COL6A3: variants seen among roughly 807,000 people sequenced by gnomAD.
COL6A3 encodes collagen type VI alpha 3 chain.
Under a neutral mutation model 274.1 loss-of-function variants are expected in COL6A3, and 137 were observed. The observed-to-expected ratio is 0.50, with a 90% CI of 0.44 to 0.58. The LOEUF is 0.58. Ranked by LOEUF, COL6A3 falls within the 20% of genes least tolerant of loss-of-function variation. COL6A3 has a pLI of 0.00. For synonymous variants in COL6A3, 1,650 were observed against 1,650.6 expected, an observed-to-expected ratio of 1.00 and a Z score of 0.01; for missense variants, 3,950 against 4,124.9, an observed-to-expected ratio of 0.96 and a Z score of 1.16.
At chr2:237,332,098 T>TA (rs1700279058) in intron 42 of COL6A3, among the ~76,000 whole-genome samples, 8 of 40,534 alleles carry the variant, frequency 2.0e-4, no homozygotes, top group Non-Finnish European at 3.0e-4. Context: ...TATATATATA[T>TA]ATATATATAT....
intron 1 of COL6A3, among the ~76,000 whole-genome samples, chr2:237,400,454 A>G (rs879447951): frequency 6.6e-6 from 1 of 152,202 alleles, no homozygotes; most frequent in African/African-American, 2.4e-5. Flanking sequence ...ACTACATGAG[A>G]TCTGTAAGAA....
rs749957183 is a variant in COL6A3, at chr2:237,340,880, C to G, written c.8036G>C (p.Ser2679Thr). ...HAPSESVDNASMPPVKVEFSL... is the reference protein window; with the variant it reads ...HAPSESVDNATMPPVKVEFSL... ...GAATTCCACCTTCACAGGTGGCATG[C>G]TGGCATTGTCCACGGACTCAGAGGG... Residue 2679 changes from serine (S) to threonine (T), a missense_variant, in exon 38 of 44, where the codon AGC becomes ACC. By Grantham distance (58) the Ser-to-Thr change is moderately conservative (BLOSUM62 1). Transcript: ENST00000295550. 1 of 1,613,566 alleles carries G rather than the reference C, an allele frequency of 6.2e-7. No individual in the cohort carries two copies. The highest frequency in any genetic ancestry group is 1.3e-5 in the African/African-American group (1 of 74,936).
At chr2:237,403,620 C>A (rs986098386) in intron 1 of COL6A3, among the ~76,000 whole-genome samples, 1 of 152,042 alleles carries the variant, frequency 6.6e-6, no homozygotes, top group Non-Finnish European at 1.5e-5. Flanking sequence ...AAGCTCAGCC[C>A]GATTTTTTTT....
Position 237,394,995 on chromosome 2 carries a change from C to A in COL6A3, c.301G>T (p.Glu101Ter). The A allele has an allele frequency of 6.2e-7, 1 of 1,614,174 alleles. No individual in the cohort carries two copies. The highest frequency in any genetic ancestry group is 8.5e-7 in the Non-Finnish European group (1 of 1,180,022). The change falls in exon 3 of 44, where the codon GAA (glutamate) becomes TAA (stop). Residue 101 changes from glutamate (E) to a stop codon, truncating the protein, a stop_gained. Transcript: ENST00000295550. LOFTEE classifies it high-confidence loss of function. The part of the protein sequence containing the change: ...FLLNTYRTKQ[E>*]VLSHISNMSY... Reference sequence around the variant, plus strand: ...ATGTTGGAAATATGAGAAAGGACTTCTTGTTTAGTACGATACGTATTTAAC... The same window carrying A: ...ATGTTGGAAATATGAGAAAGGACTTATTGTTTAGTACGATACGTATTTAAC...
intron 40 of COL6A3, among the ~76,000 whole-genome samples, chr2:237,335,201 C>T (rs1191959271): frequency 6.6e-6 from 1 of 152,106 alleles, no homozygotes; most frequent in Non-Finnish European, 1.5e-5. Context: ...GTGTTTGCTA[C>T]AAAATGAGCC....
Position 237,394,582 on chromosome 2 carries a change from A to G in COL6A3, c.709+5T>C. On this transcript the variant is annotated splice_donor_5th_base_variant and intron_variant, in intron 3 of 43. Transcript: ENST00000295550. Reference sequence around the variant, plus strand: ...CAGGGCGTAGCTTGGTGGCGTTGCCATTACCTGTGATGTCTTTAAGGGTTT... The same window carrying G: ...CAGGGCGTAGCTTGGTGGCGTTGCCGTTACCTGTGATGTCTTTAAGGGTTT... The G allele has an allele frequency of 6.2e-7, 1 of 1,613,920 alleles. No individual in the cohort carries two copies.
chr2:237,390,897 C>A (rs1459503181), intron 3 of COL6A3, among the ~76,000 whole-genome samples: 1 of 152,172 alleles, frequency 6.6e-6, no homozygotes, highest in Non-Finnish European at 1.5e-5. Flanking sequence ...CAGGTATATT[C>A]ATTTTTTTAA....
chr2:237,352,298 G>A (rs959412704), intron 26 of COL6A3, among the ~76,000 whole-genome samples: 5 of 152,150 alleles, frequency 3.3e-5, no homozygotes, highest in African/African-American at 1.2e-4. Flanking sequence ...GCAGAATTGA[G>A]ACTTAGAGGC....
intron 11 of COL6A3, 96 bp from the exon 12 acceptor site, chr2:237,366,131 A>T (rs563754022): frequency 1.9e-6 from 2 of 1,067,516 alleles, no homozygotes; most frequent in East Asian, 2.4e-5. Flanking sequence ...GCAGAGGACC[A>T]GGGCATCGCA....
At chr2:237,335,465 G>A (rs887051161) in intron 40 of COL6A3, among the ~76,000 whole-genome samples, 1 of 152,196 alleles carries the variant, frequency 6.6e-6, no homozygotes, top group Non-Finnish European at 1.5e-5. Context: ...AATATATTAA[G>A]TTGGTGCAGA....
chr2:237,402,095 T>C (rs1011437020), intron 1 of COL6A3, among the ~76,000 whole-genome samples: 7 of 152,154 alleles, frequency 4.6e-5, no homozygotes, highest in Non-Finnish European at 1.0e-4. Context: ...TTGAGGATAT[T>C]ATGCTAAGTG....
intron 3 of COL6A3, 91 bp from the exon 4 acceptor site, chr2:237,388,275 C>A: frequency 6.6e-7 from 1 of 1,510,458 alleles, no homozygotes; most frequent in Non-Finnish European, 9.1e-7. Flanking sequence ...CTTTGGAAAC[C>A]AATAAGAAAC....
intron 1 of COL6A3, among the ~76,000 whole-genome samples, chr2:237,402,346 TTAAA>T (rs1028559148): frequency 6.6e-6 from 1 of 152,192 alleles, no homozygotes; most frequent in Non-Finnish European, 1.5e-5. Context: ...TACTGTACAC[TTAAA>T]TATAGTCAAG....
In COL6A3 at chr2:237,340,750, G is replaced by A. The variant is rs773301394; in HGVS notation, c.8166C>T (p.Thr2722=). Residue 2722 remains threonine (T), a synonymous_variant, in exon 38 of 44, where the codon ACC becomes ACT. Coordinates refer to ENST00000295550, the MANE Select transcript of COL6A3 (RefSeq NM_004369.4). ...GGGCACTTTCAAAGACATTCTCTAT[G>A]GTGTATTCAATGGCACTGCCTAAGG... ...TRALGSAIEY[T]IENVFESAPN... The A allele has an allele frequency of 6.2e-7, 1 of 1,614,100 alleles. No individual in the cohort carries two copies. Among genetic ancestry groups the A allele is most frequent in the Non-Finnish European group, 8.5e-7 (1 of 1,180,036 alleles).
Position 237,366,801 on chromosome 2 carries a change from C to T in COL6A3, c.5386G>A (p.Ala1796Thr). The change falls in exon 11 of 44, where the codon GCG (alanine) becomes ACG (threonine). Residue 1796 changes from alanine (A) to threonine (T), a missense_variant. By Grantham distance (58) the Ala-to-Thr change is moderately conservative. Transcript: ENST00000295550. Reference protein sequence around the residue: ...VGKIASNSATAFRVGNVQELS... With the variant: ...VGKIASNSATTFRVGNVQELS... ...TCCTGGACGTTGCCCACGCGGAACGCTGTGGCGCTGTTGGACGCTATCTTT... is the reference window on the plus strand; with the variant it reads ...TCCTGGACGTTGCCCACGCGGAACGTTGTGGCGCTGTTGGACGCTATCTTT... 2 of 1,614,282 alleles carry T rather than the reference C, an allele frequency of 1.2e-6. No individual in the cohort carries two copies. The highest frequency in any genetic ancestry group is 2.2e-5 in the East Asian group (1 of 44,892).
At chr2:237,402,232 G>A (rs1440335549) in intron 1 of COL6A3, among the ~76,000 whole-genome samples, 3 of 152,120 alleles carry the variant, frequency 2.0e-5, no homozygotes, top group African/African-American at 7.2e-5. Context: ...TCAGGAGGGA[G>A]GCAGTTGTAG....
At position 237,369,167 on chromosome 2, in the gene COL6A3, A is replaced by T. The variant is rs2077626425; in HGVS notation, c.4296T>A (p.Ser1432Arg). The T allele has an allele frequency of 1.5e-5, 24 of 1,611,178 alleles. No homozygotes were observed. Among genetic ancestry groups the T allele is most frequent in the East Asian group, 2.2e-5 (1 of 44,876 alleles). The change falls in exon 10 of 44, where the codon AGT becomes AGA. Residue 1432 changes from serine (S) to arginine (R), a missense_variant. Coordinates refer to ENST00000295550, the MANE Select transcript of COL6A3 (RefSeq NM_004369.4). ...STRYPPPAVESDAADIVFLID... is the reference protein window; with the variant it reads ...STRYPPPAVERDAADIVFLID... Reference sequence around the variant, plus strand: ...TCAGAAAGACAATGTCTGCAGCATCACTCTCAACTGCTGCAGATCAAAGAA... The same window carrying T: ...TCAGAAAGACAATGTCTGCAGCATCTCTCTCAACTGCTGCAGATCAAAGAA...
chr2:237,408,126 G>A (rs1306290117), intron 1 of COL6A3, among the ~76,000 whole-genome samples: 2 of 151,932 alleles, frequency 1.3e-5, no homozygotes, highest in African/African-American at 2.4e-5. Flanking sequence ...TTATAATCAA[G>A]TAGAGAAGAT....
intron 7 of COL6A3, among the ~76,000 whole-genome samples, chr2:237,376,424 C>A (rs548579921): frequency 2.0e-5 from 3 of 152,236 alleles, no homozygotes; most frequent in African/African-American, 7.2e-5. Context: ...GTTTTAGGTA[C>A]AATGTAACCA....
Sources: gnomAD v4.1 joint callset for allele counts (sites outside exome capture counted in the v4.1 genomes callset) on GRCh38, gnomAD v4.1.1 for gene constraint, MANE v1.5 for transcripts, NCBI Gene and HGNC (gene_info 2026-07-23, HGNC 2026-07-21) for gene names.